ADAM12: variants seen among roughly 807,000 people sequenced by gnomAD.
ADAM12 encodes disintegrin and metalloproteinase domain-containing protein 12.
In ADAM12, 70 loss-of-function variants were observed where a neutral mutation model predicts 106.4. That is an observed-to-expected ratio of 0.66 (90% confidence interval 0.54 to 0.80). The LOEUF (loss-of-function observed/expected upper bound fraction) is 0.80, where lower values mean the gene tolerates loss of function less well. Ranked by LOEUF, ADAM12 falls within the 30% of genes least tolerant of loss-of-function variation. The probability of loss-of-function intolerance (pLI) is 0.00; values close to 1 mark genes in which losing one functional copy is unlikely to be tolerated. For missense variants in ADAM12, 1,010 were observed against 1,171.9 expected, an observed-to-expected ratio of 0.86 and a Z score of 2.02; for synonymous variants, 420 against 433.5, an observed-to-expected ratio of 0.97 and a Z score of 0.39.
chr10:126,156,550 A>G (rs1258920642), intron 3 of ADAM12, among the ~76,000 whole-genome samples: 1 of 152,220 alleles, frequency 6.6e-6, no homozygotes, highest in African/African-American at 2.4e-5. Flanking sequence ...TTCATTTTCA[A>G]TAAATCTCTG....
At position 126,066,762 on chromosome 10, in the gene ADAM12, C is replaced by T; in HGVS notation, c.1368G>A (p.Lys456=). 1 of 1,614,208 alleles carries T rather than the reference C, an allele frequency of 6.2e-7. No individual in the cohort carries two copies. The highest frequency in any genetic ancestry group is 8.5e-7 in the Non-Finnish European group (1 of 1,180,024). Residue 456 remains lysine (K), a synonymous_variant, in exon 13 of 23, where the codon AAG becomes AAA. Coordinates refer to ENST00000448723, the MANE Select transcript of ADAM12 (RefSeq NM_001288973.2). This position sits in a 1 kb window ranked among gnomAD's most constrained non-coding sequence, Gnocchi z 5.1. ...GCCCATGTGCGCACACAGCGTCCGGCTTCAGGGTACAGGTGGTGGCATTGC... is the reference window on the plus strand; with the variant it reads ...GCCCATGTGCGCACACAGCGTCCGGTTTCAGGGTACAGGTGGTGGCATTGC... ...RCCNATTCTL[K]PDAVCAHGLC... is the part of the protein sequence containing the mutation.
intron 21 of ADAM12, among the ~76,000 whole-genome samples, chr10:126,033,861 A>T (rs1347022602): frequency 6.6e-6 from 1 of 152,256 alleles, no homozygotes; most frequent in Non-Finnish European, 1.5e-5. Flanking sequence ...AGAATTCTAT[A>T]TCCAGCAAAA....
intron 11 of ADAM12, among the ~76,000 whole-genome samples, chr10:126,083,731 C>T (rs896953581): frequency 6.6e-6 from 1 of 152,218 alleles, no homozygotes; most frequent in Non-Finnish European, 1.5e-5. Context: ...ATAGGCGCCC[C>T]GCCTCAAAAG....
chr10:126,172,721 C>G (rs1957140911), intron 3 of ADAM12, among the ~76,000 whole-genome samples: 1 of 152,120 alleles, frequency 6.6e-6, no homozygotes, highest in South Asian at 2.1e-4. Flanking sequence ...GATCTAGAAC[C>G]AGAAATGCCA....
intron 9 of ADAM12, 34 bp downstream of exon 9, chr10:126,101,035 CCTT>C (rs1955654830): frequency 1.3e-6 from 2 of 1,585,454 alleles, no homozygotes; most frequent in Admixed American, 1.7e-5. Flanking sequence ...CGAGAGCACT[CCTT>C]TTTTTTTTAA....
At chr10:126,297,253 C>A (rs1960422454) in intron 2 of ADAM12, among the ~76,000 whole-genome samples, 1 of 151,996 alleles carries the variant, frequency 6.6e-6, no homozygotes, top group South Asian at 2.1e-4. Flanking sequence ...CAACTCAGGG[C>A]AATGGTTAAA....
At position 126,360,651 on chromosome 10, in the gene ADAM12, CAAAGCAATT is replaced by C. The variant is rs766054782; in HGVS notation, c.88+27398_88+27406del. ...TCCATATCACTATCAGCATTTTGGT[CAAAGCAATT>C]CAACAAGTCTCTAGGGAGTTCCAAA... is the stretch of plus-strand genomic sequence containing the variant. On this transcript the variant is annotated intron_variant, in intron 1 of 22. Transcript: ENST00000448723. 1.2e-4 allele frequency among the ~76,000 whole-genome samples: 18 copies of C among 152,302 alleles called. No individual in the cohort carries two copies. The East Asian group carries it at 1.9e-3, about 16-fold the overall frequency.
At chr10:126,102,590 A>G (rs779884572) in intron 8 of ADAM12, among the ~76,000 whole-genome samples, 5 of 152,238 alleles carry the variant, frequency 3.3e-5, no homozygotes, top group Non-Finnish European at 5.9e-5. Context: ...TCTGGTGAGC[A>G]TTGGGTTAGC....
intron 1 of ADAM12, among the ~76,000 whole-genome samples, chr10:126,358,186 A>AT (rs1198601376): frequency 7.2e-5 from 11 of 151,768 alleles, no homozygotes; most frequent in Admixed American, 7.2e-4. Context: ...CAAAAAAAAA[A>AT]AAAAAGTAAA....
intron 1 of ADAM12, among the ~76,000 whole-genome samples, chr10:126,333,658 C>T (rs902258467): frequency 6.6e-6 from 1 of 152,300 alleles, no homozygotes; most frequent in South Asian, 2.1e-4. Context: ...AGAACATCCT[C>T]CATCCTCTGG....
At chr10:126,332,236 T>C (rs1418085839) in intron 1 of ADAM12, among the ~76,000 whole-genome samples, 1 of 152,154 alleles carries the variant, frequency 6.6e-6, no homozygotes, top group Admixed American at 6.5e-5. Context: ...GCCCATTCTT[T>C]CTTCTTCAAG....
intron 3 of ADAM12, among the ~76,000 whole-genome samples, chr10:126,179,212 G>C (rs1590569651): frequency 1.3e-5 from 2 of 152,182 alleles, no homozygotes; most frequent in African/African-American, 4.8e-5. Context: ...TAAGTGAAGC[G>C]GGTTAGCTGC....
At chr10:126,080,754 A>C (rs1276252130) in intron 11 of ADAM12, among the ~76,000 whole-genome samples, 1 of 152,174 alleles carries the variant, frequency 6.6e-6, no homozygotes, top group Non-Finnish European at 1.5e-5. Context: ...GGGGAAAAAA[A>C]CACCACTTTT....
At chr10:126,262,163 A>ATATC (rs1398703287) in intron 3 of ADAM12, among the ~76,000 whole-genome samples, 1 of 152,182 alleles carries the variant, frequency 6.6e-6, no homozygotes, top group Non-Finnish European at 1.5e-5. Flanking sequence ...GTATTTTGTA[A>ATATC]TATCATATAA....
At chr10:126,069,693 C>G (rs535805803) in intron 12 of ADAM12, among the ~76,000 whole-genome samples, 2 of 152,216 alleles carry the variant, frequency 1.3e-5, no homozygotes, top group South Asian at 4.2e-4. Flanking sequence ...GATGTGGATA[C>G]TGGTGTGGCC....
At chr10:126,344,290 A>T (rs1420454562) in intron 1 of ADAM12, among the ~76,000 whole-genome samples, 1 of 152,128 alleles carries the variant, frequency 6.6e-6, no homozygotes, top group Non-Finnish European at 1.5e-5. Flanking sequence ...TCCTTTCCCC[A>T]TTTCTTGTTT....
rs778296172 is a variant in ADAM12, at chr10:126,066,729, A to G, written c.1401T>C (p.Cys467=). The G allele has an allele frequency of 1.9e-6, 3 of 1,614,210 alleles. No individual in the cohort carries two copies. The change falls in exon 13 of 23, where the codon TGT becomes TGC. Residue 467 remains cysteine, a synonymous_variant. Transcript: ENST00000448723. This position sits in a 1 kb window ranked among gnomAD's most constrained non-coding sequence, Gnocchi z 5.1. ...PDAVCAHGLC[C]EDCQLKPAGT... ...TCCGGTGACTCACCTGGCAGTCTTC[A>G]CAGCACAGCCCATGTGCGCACACAG...
intron 2 of ADAM12, among the ~76,000 whole-genome samples, chr10:126,286,652 C>T (rs143307643): frequency 3.2e-4 from 48 of 152,236 alleles, no homozygotes; most frequent in East Asian, 1.5e-3. Context: ...GGAAGATATG[C>T]GCACTGTGGA....
At chr10:126,041,327 C>T in intron 18 of ADAM12, 1 of 985,784 alleles carries the variant, frequency 1.0e-6, no homozygotes, top group Non-Finnish European at 1.2e-6. Context: ...TATGTATGAA[C>T]AGGGTGGAGG....
Sources: gnomAD v4.1 joint callset for allele counts (sites outside exome capture counted in the v4.1 genomes callset) on GRCh38, gnomAD v4.1.1 for gene constraint, Gnocchi (gnomAD v3.1) non-coding constraint, MANE v1.5 for transcripts, NCBI Gene and HGNC (gene_info 2026-07-23, HGNC 2026-07-21) for gene names.